LCP1: variants seen among roughly 807,000 people sequenced by gnomAD.
LCP1 encodes plastin-2.
In LCP1, 23 loss-of-function variants were observed where a neutral mutation model predicts 72.0. The observed-to-expected ratio is 0.32, with a 90% CI of 0.23 to 0.45. The LOEUF is 0.45. Ranked by LOEUF, LCP1 falls within the 20% of genes least tolerant of loss-of-function variation. The pLI, the probability that LCP1 is intolerant of heterozygous loss-of-function variation, is 1.00. For synonymous variants in LCP1, 245 were observed against 275.4 expected, an observed-to-expected ratio of 0.89 and a Z score of 1.09; for missense variants, 571 against 748.3, an observed-to-expected ratio of 0.76 and a Z score of 2.76.
chr13:46,159,457 G>T, intron 2 of LCP1, 142 bp downstream of exon 2: 1 of 646,350 alleles, frequency 1.5e-6, no homozygotes. Flanking sequence ...TCAAAAATAA[G>T]TTCTCCCAGC....
Position 46,126,610 on chromosome 13 carries a change from C to T in LCP1, c.*981G>A, listed in dbSNP as rs187167393. 4.3e-6 allele frequency: 1 copy of T among 231,652 alleles called. No homozygotes were observed. Among genetic ancestry groups the T allele is most frequent in the African/African-American group, 2.2e-5 (1 of 45,204 alleles). 14.3% of individuals were successfully genotyped at this position (231,652 alleles called of 1,614,324 possible). A position where few individuals can be genotyped will look rare whatever the true frequency, so the allele number is the denominator to read the frequency against. Reference sequence around the variant, plus strand: ...AATCAGATATGCTAAGCTCTAGAAGCAAAAGCAAGGTAGGATTGCCTCCAA... The same window carrying T: ...AATCAGATATGCTAAGCTCTAGAAGTAAAAGCAAGGTAGGATTGCCTCCAA... On this transcript the variant is annotated 3_prime_UTR_variant, in exon 16 of 16. Coordinates refer to ENST00000323076, the MANE Select transcript of LCP1 (RefSeq NM_002298.5).
intron 1 of LCP1, among the ~76,000 whole-genome samples, chr13:46,174,834 CAA>C (rs398056355): frequency 1.1e-4 from 9 of 82,284 alleles, no homozygotes; most frequent in Non-Finnish European, 1.1e-4. Flanking sequence ...ACTCCATCTT[CAA>C]AAAAAAAAAA....
rs940525153 is a variant in LCP1, at chr13:46,176,358, A to G, written c.-25+5753T>C. Among the ~76,000 whole-genome samples, 13 of 152,270 alleles carry G rather than the reference A, an allele frequency of 8.5e-5. No homozygotes were observed. The East Asian group carries it at 2.3e-3, about 27-fold the overall frequency. On this transcript the variant is annotated intron_variant, in intron 1 of 15. Coordinates refer to ENST00000323076, the MANE Select transcript of LCP1 (RefSeq NM_002298.5). ...CAATTTAAAAATAAATAAAAACTGA[A>G]AAAACATTTTCAGGATGGAAGCTAT... is the stretch of plus-strand genomic sequence containing the variant.
chr13:46,134,341 G>A, intron 13 of LCP1, 91 bp from the exon 14 acceptor site: 6 of 1,203,174 alleles, frequency 5.0e-6, no homozygotes, highest in Non-Finnish European at 7.1e-6. Context: ...TTTTTTTCGG[G>A]TATGTCATAG....
At chr13:46,151,442 T>C (rs377021421) in intron 7 of LCP1, among the ~76,000 whole-genome samples, 50 of 152,360 alleles carry the variant, frequency 3.3e-4, no homozygotes, top group African/African-American at 1.1e-3. Context: ...ATTTTTGCTT[T>C]TAAGAGATCA....
chr13:46,159,408 T>C, intron 2 of LCP1, 191 bp downstream of exon 2: 1 of 595,552 alleles, frequency 1.7e-6, no homozygotes, highest in Non-Finnish European at 3.0e-6. Flanking sequence ...CCATATTCCA[T>C]GTTTTGATAG....
intron 1 of LCP1, among the ~76,000 whole-genome samples, chr13:46,175,244 G>A (rs80239895): frequency 0.011 from 1,614 of 152,238 alleles, 26 homozygotes; most frequent in African/African-American, 0.037. Context: ...GGTGACGCTG[G>A]GTGGAGTAGA....
chr13:46,167,481 C>A (rs1019154428), intron 1 of LCP1, among the ~76,000 whole-genome samples: 1 of 152,198 alleles, frequency 6.6e-6, no homozygotes, highest in Non-Finnish European at 1.5e-5. Context: ...AGGGGATACT[C>A]CAGGCTGGGG....
chr13:46,166,449 T>C (rs1308919863), intron 1 of LCP1, among the ~76,000 whole-genome samples: 2 of 152,208 alleles, frequency 1.3e-5, no homozygotes, highest in African/African-American at 4.8e-5. Flanking sequence ...GCCAAGGGAC[T>C]CTTTTGAATG....
intron 12 of LCP1, 131 bp from the exon 13 acceptor site, chr13:46,142,556 G>A (rs1291125766): frequency 1.0e-6 from 1 of 954,140 alleles, no homozygotes; most frequent in Non-Finnish European, 1.5e-6. Flanking sequence ...AGTCTCAACT[G>A]GTTCTGCAAT....
At chr13:46,178,740 A>G (rs2045943190) in intron 1 of LCP1, among the ~76,000 whole-genome samples, 1 of 152,226 alleles carries the variant, frequency 6.6e-6, no homozygotes, top group South Asian at 2.1e-4. Flanking sequence ...AGCAGATAAA[A>G]AAACACTAGG....
intron 4 of LCP1, 39 bp from the exon 5 acceptor site, chr13:46,156,609 A>G: frequency 6.2e-7 from 1 of 1,612,726 alleles, no homozygotes; most frequent in Non-Finnish European, 8.5e-7. Context: ...TTGCAAAGTG[A>G]AACTCTATTA....
chr13:46,174,523 GAC>G (rs2045918842), intron 1 of LCP1, among the ~76,000 whole-genome samples: 1 of 152,098 alleles, frequency 6.6e-6, no homozygotes, highest in Non-Finnish European at 1.5e-5. Context: ...AACAAAAGGA[GAC>G]TTGGGATCTC....
At chr13:46,136,841 A>G (rs2045667904) in intron 13 of LCP1, among the ~76,000 whole-genome samples, 1 of 152,186 alleles carries the variant, frequency 6.6e-6, no homozygotes, top group Non-Finnish European at 1.5e-5. Context: ...GTCTTCTGGT[A>G]GCTTCTCTTG....
Position 46,158,656 on chromosome 13 carries a change from A to G in LCP1, c.229-5T>C. On this transcript the variant is annotated splice_polypyrimidine_tract_variant and splice_region_variant and intron_variant, in intron 3 of 15. Transcript: ENST00000323076. ...GCTTTTTAGGCCATGGAAAATCTGC[A>G]AAAATATAATGTATCTTTAGAAACT... The G allele has an allele frequency of 6.2e-7, 1 of 1,614,134 alleles. No individual in the cohort carries two copies. Among genetic ancestry groups the G allele is most frequent in the Non-Finnish European group, 8.5e-7 (1 of 1,180,000 alleles).
chr13:46,158,779 A>T, intron 3 of LCP1, 47 bp downstream of exon 3: 2 of 1,605,618 alleles, frequency 1.2e-6, no homozygotes, highest in Non-Finnish European at 1.7e-6. Context: ...ACAGAATTCA[A>T]GTTCCAAGTT....
chr13:46,176,432 T>C (rs764809773), intron 1 of LCP1, among the ~76,000 whole-genome samples: 10 of 152,120 alleles, frequency 6.6e-5, no homozygotes, highest in Admixed American at 1.3e-4. Flanking sequence ...TTATAAAAGG[T>C]TTTTATGGAA....
intron 13 of LCP1, among the ~76,000 whole-genome samples, chr13:46,139,370 A>T (rs1271115593): frequency 6.6e-6 from 1 of 152,218 alleles, no homozygotes; most frequent in East Asian, 1.9e-4. Context: ...ATCACTTCTG[A>T]TTATCCTACC....
intron 1 of LCP1, among the ~76,000 whole-genome samples, chr13:46,180,497 T>C (rs1391689672): frequency 6.6e-6 from 1 of 152,198 alleles, no homozygotes; most frequent in Non-Finnish European, 1.5e-5. Flanking sequence ...GAGACAAAAA[T>C]TTAAATGCTA....
Sources: allele counts gnomAD v4.1 joint callset (sites outside exome capture counted in the v4.1 genomes callset), GRCh38; gene constraint gnomAD v4.1.1; transcripts MANE v1.5; gene names NCBI Gene and HGNC (gene_info 2026-07-23, HGNC 2026-07-21).